Variants in PTPRD observed in about 807,000 individuals in gnomAD.
The protein encoded by PTPRD is receptor-type tyrosine-protein phosphatase delta.
Under a neutral mutation model 214.5 loss-of-function variants are expected in PTPRD, and 34 were observed. The ratio of observed to expected loss-of-function variants is 0.16; its 90% CI spans 0.12 to 0.21. PTPRD has a LOEUF of 0.21. PTPRD is among the 10% of genes least tolerant of loss of function. PTPRD has a pLI of 1.00. For synonymous variants in PTPRD, 1,128 were observed against 845.7 expected, an observed-to-expected ratio of 1.33 and a Z score of -5.79; for missense variants, 2,545 against 2,398.7, an observed-to-expected ratio of 1.06 and a Z score of -1.27.
At chr9:8,966,480 G>A (rs534967858) in intron 11 of PTPRD, among the ~76,000 whole-genome samples, 49 of 151,384 alleles carry the variant, frequency 3.2e-4, no homozygotes, top group Non-Finnish European at 5.3e-4. Context: ...TCTGATATTC[G>A]ACAAAGTTAT....
intron 39 of PTPRD, among the ~76,000 whole-genome samples, chr9:8,368,830 T>C (rs748696313): frequency 6.6e-6 from 1 of 152,122 alleles, no homozygotes; most frequent in Non-Finnish European, 1.5e-5. Flanking sequence ...TTGCTTCTTA[T>C]ACAGAATTAT....
At chr9:8,784,012 A>C (rs2095843198) in intron 11 of PTPRD, among the ~76,000 whole-genome samples, 1 of 152,168 alleles carries the variant, frequency 6.6e-6, no homozygotes, top group Non-Finnish European at 1.5e-5. Flanking sequence ...TTCGTCATAT[A>C]TCCTCATGCT....
At chr9:10,349,373 C>T (rs985879374) in intron 2 of PTPRD, among the ~76,000 whole-genome samples, 1 of 152,114 alleles carries the variant, frequency 6.6e-6, no homozygotes, top group Admixed American at 6.5e-5. Context: ...CACATTCATA[C>T]ATATTTTCTA....
intron 2 of PTPRD, among the ~76,000 whole-genome samples, chr9:10,572,481 T>A (rs1322793688): frequency 6.6e-6 from 1 of 152,126 alleles, no homozygotes; most frequent in African/African-American, 2.4e-5. Context: ...CTTGTTCCTA[T>A]GAGGTAAAGT....
chr9:8,598,208 C>A (rs962566910), intron 14 of PTPRD, among the ~76,000 whole-genome samples: 3 of 152,088 alleles, frequency 2.0e-5, no homozygotes, highest in African/African-American at 7.2e-5. Context: ...CCAGTGCACT[C>A]TGGGAGGCCG....
chr9:9,062,433 G>A (rs60896256), intron 10 of PTPRD, among the ~76,000 whole-genome samples: 6,131 of 152,174 alleles, frequency 0.04, 386 homozygotes, highest in African/African-American at 0.13. Context: ...TTGTGAGTAT[G>A]TTTCTCAATT....
intron 5 of PTPRD, among the ~76,000 whole-genome samples, chr9:9,911,814 T>A (rs1008694876): frequency 6.6e-6 from 1 of 152,104 alleles, no homozygotes; most frequent in African/African-American, 2.4e-5. Context: ...TAATTCATTT[T>A]AAAAATTTTC....
rs2097114039 is a variant in PTPRD at position 8,663,726 on chromosome 9, A to C, written c.65-26882T>G. On this transcript the variant is annotated intron_variant, in intron 12 of 45. Coordinates refer to ENST00000381196, the MANE Select transcript of PTPRD (RefSeq NM_002839.4). The stretch of plus-strand genomic sequence containing the variant: ...GGCTGGTCTCCAACTCCTGACCTCA[A>C]ATGATCTGCCCGCCTCGGCCTCCCA... Among the ~76,000 whole-genome samples the C allele has an allele frequency of 2.6e-5, 4 of 152,160 alleles. No individual in the cohort carries two copies. The South Asian group carries it at 8.3e-4, about 32-fold the overall frequency.
At chr9:10,203,232 G>C (rs914180290) in intron 3 of PTPRD, among the ~76,000 whole-genome samples, 2 of 147,944 alleles carry the variant, frequency 1.4e-5, no homozygotes, top group African/African-American at 5.0e-5. Context: ...ATGTGTTATT[G>C]GTTTTTACCT....
intron 8 of PTPRD, among the ~76,000 whole-genome samples, chr9:9,496,355 AT>A (rs1569568811): frequency 6.6e-6 from 1 of 152,150 alleles, no homozygotes; most frequent in Non-Finnish European, 1.5e-5. Context: ...GATATCCAGA[AT>A]CTATAGAGAA....
chr9:9,042,626 T>C (rs1314850162), intron 10 of PTPRD, among the ~76,000 whole-genome samples: 1 of 150,186 alleles, frequency 6.7e-6, no homozygotes, highest in Admixed American at 6.6e-5. Flanking sequence ...TTTCTTTTTT[T>C]TTTTTTTTGG....
rs573071640 is a variant in PTPRD at position 8,767,016 on chromosome 9, C to G, written c.-103-33070G>C. ...AACTCTGGTATGCTATATTTCTGAC[C>G]CTAAGCTTTAAGAAAAAGAGAAATA... On this transcript the variant is annotated intron_variant, in intron 11 of 45. Coordinates refer to ENST00000381196, the MANE Select transcript of PTPRD (RefSeq NM_002839.4). Among the ~76,000 whole-genome samples the G allele has an allele frequency of 8.5e-5, 13 of 152,204 alleles. No individual in the cohort carries two copies. In the South Asian group the frequency reaches 1.2e-3, roughly 15 times the overall value.
intron 3 of PTPRD, among the ~76,000 whole-genome samples, chr9:10,065,026 G>C (rs1247841126): frequency 6.6e-6 from 1 of 151,668 alleles, no homozygotes. Context: ...AATCGAACTA[G>C]GTATAAAAAG....
intron 8 of PTPRD, among the ~76,000 whole-genome samples, chr9:9,515,832 A>G: frequency 6.6e-6 from 1 of 151,982 alleles, no homozygotes; most frequent in Non-Finnish European, 1.5e-5. Flanking sequence ...TTTTGTTATA[A>G]TGTTCTTTGT....
At chr9:9,408,661 G>C (rs1403387569) in intron 8 of PTPRD, among the ~76,000 whole-genome samples, 2 of 151,810 alleles carry the variant, frequency 1.3e-5, no homozygotes, top group African/African-American at 2.4e-5. Flanking sequence ...GGAAAGAATA[G>C]GGATCTGGGT....
intron 3 of PTPRD, among the ~76,000 whole-genome samples, chr9:10,124,465 G>A (rs2098800285): frequency 6.6e-6 from 1 of 151,966 alleles, no homozygotes; most frequent in Non-Finnish European, 1.5e-5. Flanking sequence ...CCTCAGTTTG[G>A]CCACATGCTC....
At chr9:8,599,730 C>T (rs2094716331) in intron 14 of PTPRD, among the ~76,000 whole-genome samples, 2 of 150,274 alleles carry the variant, frequency 1.3e-5, no homozygotes, top group South Asian at 4.2e-4. Flanking sequence ...GATTCTCCTG[C>T]TTCAGCCTCC....
chr9:9,161,213 T>C (rs2099887881), intron 10 of PTPRD, among the ~76,000 whole-genome samples: 1 of 152,178 alleles, frequency 6.6e-6, no homozygotes, highest in African/African-American at 2.4e-5. Flanking sequence ...CAAAGAATGA[T>C]AAGTGGAGGT....
At chr9:8,439,874 C>T (rs1178361214) in intron 34 of PTPRD, among the ~76,000 whole-genome samples, 6 of 146,708 alleles carry the variant, frequency 4.1e-5, no homozygotes, top group Non-Finnish European at 7.4e-5. Context: ...ACTGCTCAGT[C>T]TATAAACCAA....
Sources: gnomAD v4.1 joint callset for allele counts (sites outside exome capture counted in the v4.1 genomes callset) on GRCh38, gnomAD v4.1.1 for gene constraint, MANE v1.5 for transcripts, NCBI Gene and HGNC (gene_info 2026-07-23, HGNC 2026-07-21) for gene names.